The following GREB1L variants were observed in gnomAD, a reference collection of about 807,000 sequenced individuals.
The protein encoded by GREB1L is GREB1-like protein.
GREB1L carries 17 observed loss-of-function variants against 200.8 expected under a neutral mutation model. The observed-to-expected ratio is 0.08, with a 90% confidence interval of 0.06 to 0.13. The LOEUF (loss-of-function observed/expected upper bound fraction) is 0.13. Among genes scored for constraint, GREB1L ranks in the 10% least tolerant of loss-of-function variants. The pLI is 1.00. For synonymous variants in GREB1L, 789 were observed against 893.0 expected (o/e 0.88, Z 2.08); for missense variants, 1,657 against 2,367.7 (o/e 0.70, Z 6.23).
chr18:21,444,559 A>T, intron 11 of GREB1L, 150 bp downstream of exon 11: 3 of 686,096 alleles, frequency 4.4e-6, no homozygotes. Flanking sequence ...ATTCTCTGTA[A>T]CTTTTCCCTT....
intron 1 of GREB1L, among the ~76,000 whole-genome samples, chr18:21,358,839 T>C (rs1048474445): frequency 6.6e-6 from 1 of 152,186 alleles, no homozygotes; most frequent in African/African-American, 2.4e-5. Flanking sequence ...ACTGTTGAAA[T>C]AAAATGAAAA....
Position 21,523,841 on chromosome 18 carries a change from T to C in GREB1L, c.*1020T>C, listed in dbSNP as rs1038383339. The stretch of plus-strand genomic sequence containing the variant: ...ATTGCCGAATTGGGAAATTGAGCCA[T>C]AGAAAGAGAAATGTTTTTTTACTTA... On this transcript the variant is annotated 3_prime_UTR_variant, in exon 33 of 33. Transcript: ENST00000424526. 6 of 152,164 alleles carry C rather than the reference T, an allele frequency of 3.9e-5. No individual in the cohort carries two copies. Among genetic ancestry groups the C allele is most frequent in the African/African-American group, 1.4e-4 (6 of 41,426 alleles). 9.4% of individuals were successfully genotyped at this position (152,164 alleles called of 1,614,324 possible). A position where few individuals can be genotyped will look rare whatever the true frequency, so the allele number is the denominator to read the frequency against.
Position 21,524,667 on chromosome 18 carries a change from C to T in GREB1L, c.*1846C>T, listed in dbSNP as rs1049401578. 3.3e-5 allele frequency: 5 copies of T among 152,192 alleles called. No homozygotes were observed. The East Asian group carries it at 7.7e-4, about 24-fold the overall frequency. 9.4% of individuals were successfully genotyped at this position (152,192 alleles called of 1,614,324 possible). On this transcript the variant is annotated 3_prime_UTR_variant, in exon 33 of 33. Transcript: ENST00000424526. ...AAACAATTGTACCTGGGGTGGATGGCCTCTCAGGGTTTCTTCTGGCTTTAT... is the reference window on the plus strand; with the variant it reads ...AAACAATTGTACCTGGGGTGGATGGTCTCTCAGGGTTTCTTCTGGCTTTAT...
chr18:21,508,926 G>A (rs2037129179), intron 27 of GREB1L, among the ~76,000 whole-genome samples: 1 of 152,104 alleles, frequency 6.6e-6, no homozygotes, highest in South Asian at 2.1e-4. Context: ...ATGTAACCAT[G>A]AGAAAAAAGA....
At chr18:21,356,238 C>G (rs1328676797) in intron 1 of GREB1L, among the ~76,000 whole-genome samples, 1 of 151,992 alleles carries the variant, frequency 6.6e-6, no homozygotes, top group East Asian at 1.9e-4. Context: ...CCACCTCAGC[C>G]TCCCAAAGTG....
chr18:21,450,944 C>T, intron 12 of GREB1L, 79 bp from the exon 13 acceptor site: 1 of 1,406,646 alleles, frequency 7.1e-7, no homozygotes, highest in Admixed American at 2.1e-5. Flanking sequence ...TGATTGTTTC[C>T]AATTGTTGCC....
chr18:21,284,547 C>T (rs1388067791), intron 1 of GREB1L, among the ~76,000 whole-genome samples: 1 of 152,148 alleles, frequency 6.6e-6, no homozygotes. Flanking sequence ...GATTATACCA[C>T]ATTTTGTTTA....
chr18:21,290,973 T>C (rs2038440653), intron 1 of GREB1L, among the ~76,000 whole-genome samples: 1 of 152,208 alleles, frequency 6.6e-6, no homozygotes, highest in South Asian at 2.1e-4. Context: ...AAATGCTTTA[T>C]AATGAGCAAC....
At chr18:21,334,999 C>T (rs1379917056) in intron 1 of GREB1L, among the ~76,000 whole-genome samples, 2 of 152,152 alleles carry the variant, frequency 1.3e-5, no homozygotes, top group Admixed American at 1.3e-4. Context: ...AATTTATCCC[C>T]CCACTAGCTG....
intron 7 of GREB1L, among the ~76,000 whole-genome samples, chr18:21,424,601 CAAAAT>C (rs945669690): frequency 4.6e-5 from 7 of 151,574 alleles, no homozygotes; most frequent in South Asian, 2.1e-4. Flanking sequence ...GACTCTGTCT[CAAAAT>C]AAAATAAACT....
At chr18:21,352,067 C>G (rs1383900007) in intron 1 of GREB1L, among the ~76,000 whole-genome samples, 2 of 151,806 alleles carry the variant, frequency 1.3e-5, no homozygotes, top group Non-Finnish European at 2.9e-5. Flanking sequence ...AGGCTGGTCT[C>G]AAACTCCTGA....
At chr18:21,356,476 A>G (rs1213662249) in intron 1 of GREB1L, among the ~76,000 whole-genome samples, 2 of 152,184 alleles carry the variant, frequency 1.3e-5, no homozygotes, top group African/African-American at 2.4e-5. Context: ...CTTCAGGTTC[A>G]TCAATGTTGT....
chr18:21,359,798 GCTT>G (rs1363796796), intron 1 of GREB1L, among the ~76,000 whole-genome samples: 1 of 152,184 alleles, frequency 6.6e-6, no homozygotes, highest in African/African-American at 2.4e-5. Context: ...GTTGAGGAAA[GCTT>G]CTTTTTGTTA....
chr18:21,518,364 C>T, intron 31 of GREB1L, 130 bp downstream of exon 31: 1 of 847,544 alleles, frequency 1.2e-6, no homozygotes, highest in Non-Finnish European at 1.8e-6. Flanking sequence ...TTTGCCAGAA[C>T]TTTTATTAAA....
intron 2 of GREB1L, among the ~76,000 whole-genome samples, chr18:21,371,814 C>A (rs1445216917): frequency 6.7e-6 from 1 of 149,344 alleles, no homozygotes; most frequent in African/African-American, 2.5e-5. Context: ...GCTACTATGA[C>A]TACCAACATT....
intron 15 of GREB1L, among the ~76,000 whole-genome samples, chr18:21,458,930 A>G (rs1429102104): frequency 6.6e-6 from 1 of 152,144 alleles, no homozygotes; most frequent in Non-Finnish European, 1.5e-5. Flanking sequence ...GGTGCAATCC[A>G]AAGGCAAGCC....
chr18:21,428,822 G>A (rs1489848658), intron 7 of GREB1L, among the ~76,000 whole-genome samples: 23 of 147,220 alleles, frequency 1.6e-4, no homozygotes, highest in Admixed American at 9.1e-4. Context: ...GGTTCCAGCA[G>A]TTCTTCTGCC....
intron 1 of GREB1L, among the ~76,000 whole-genome samples, chr18:21,275,879 G>C (rs923578145): frequency 1.3e-5 from 2 of 152,264 alleles, no homozygotes; most frequent in African/African-American, 4.8e-5. Flanking sequence ...TGACGGAGTT[G>C]AATGTGACGT....
At chr18:21,505,599 C>T in intron 24 of GREB1L, 32 bp downstream of exon 24, 1 of 1,549,470 alleles carries the variant, frequency 6.5e-7, no homozygotes, top group Non-Finnish European at 8.7e-7. Flanking sequence ...CACCTCCTCT[C>T]TGGGTTAAGG....
Sources: allele counts gnomAD v4.1 joint callset (sites outside exome capture counted in the v4.1 genomes callset), GRCh38; gene constraint gnomAD v4.1.1; transcripts MANE v1.5; gene names NCBI Gene and HGNC (gene_info 2026-07-23, HGNC 2026-07-21).